The following INSYN2A variants were observed in gnomAD, a reference collection of about 807,000 sequenced individuals.
The protein encoded by INSYN2A is inhibitory synaptic factor 2A, also known as family with sequence similarity 196 member A.
In INSYN2A, 17 loss-of-function variants were observed where a neutral mutation model predicts 39.4. The observed-to-expected ratio is 0.43, with a 90% CI of 0.30 to 0.65. The LOEUF (loss-of-function observed/expected upper bound fraction) is 0.65. INSYN2A is among the 30% of genes least tolerant of loss of function. INSYN2A has a pLI of 0.14. For missense variants in INSYN2A, 595 were observed against 631.2 expected, an observed-to-expected ratio of 0.94 and a Z score of 0.61; for synonymous variants, 255 against 265.7, an observed-to-expected ratio of 0.96 and a Z score of 0.39.
chr10:127,146,255 A>G (rs572252541), intron 5 of INSYN2A: 1 of 226,564 alleles, frequency 4.4e-6, no homozygotes, highest in African/African-American at 2.3e-5. Flanking sequence ...TCTGCTAATA[A>G]ATTTTAACTA....
intron 4 of INSYN2A, 43 bp from the exon 5 acceptor site, chr10:127,153,966 G>C (rs758335582): frequency 4.1e-6 from 6 of 1,456,298 alleles, no homozygotes; most frequent in Middle Eastern, 1.7e-4. Flanking sequence ...GGTGGCTGGG[G>C]GTCACTGGCT....
rs1229950625 is a variant in INSYN2A at position 127,176,272 on chromosome 10, T to C, written c.124A>G (p.Asn42Asp). The change falls in exon 4 of 6, where the codon AAC becomes GAC. Residue 42 changes from asparagine (N) to aspartate (D), a missense_variant. By Grantham distance (23) the Asn-to-Asp change is conservative. Around this residue, in one of 2 missense-constraint regions of INSYN2A, gnomAD observed 478 missense variants for 467.4 expected, o/e 1.02. Transcript: ENST00000522781. The surrounding 1 kb of genome is among the most constrained non-coding windows in gnomAD (Gnocchi z 4.4). Reference sequence around the variant, plus strand: ...TTAAACCGCACCTGCAGGGCTTTGTTCCGTTTTTTAATCTGCCGGTTGGGG... The same window carrying C: ...TTAAACCGCACCTGCAGGGCTTTGTCCCGTTTTTTAATCTGCCGGTTGGGG... Reference protein sequence around the residue: ...LDPNRQIKKRNKALQVRFKDI... With the variant: ...LDPNRQIKKRDKALQVRFKDI... 6.2e-7 allele frequency: 1 copy of C among 1,614,138 alleles called. No individual in the cohort carries two copies.
chr10:127,159,836 G>C (rs1322668146), intron 4 of INSYN2A, among the ~76,000 whole-genome samples: 5 of 152,160 alleles, frequency 3.3e-5, no homozygotes, highest in Non-Finnish European at 5.9e-5. Context: ...CTCAGCCTGA[G>C]AGCCGCACCA....
In INSYN2A at chr10:127,175,563, T is replaced by C. The variant is rs1453764131; in HGVS notation, c.833A>G (p.Gln278Arg). Residue 278 changes from glutamine to arginine, a missense_variant, in exon 4 of 6, where the codon CAG becomes CGG. Transcript: ENST00000522781. The surrounding 1 kb of genome is among the most constrained non-coding windows in gnomAD (Gnocchi z 6.3). ...PGLSDSAAAS[Q>R]WSLCPADDER... ...GTCATCTGCCGGGCAGAGTGACCAC[T>C]GGCTGGCGGCTGCAGAGTCTGACAA... is the stretch of plus-strand genomic sequence containing the variant. 1 of 1,611,754 alleles carries C rather than the reference T, an allele frequency of 6.2e-7. No individual in the cohort carries two copies. The highest frequency in any genetic ancestry group is 1.1e-5 in the South Asian group (1 of 91,068).
chr10:127,174,310 A>G (rs1346637928), intron 4 of INSYN2A, among the ~76,000 whole-genome samples: 2 of 152,162 alleles, frequency 1.3e-5, no homozygotes, highest in Non-Finnish European at 2.9e-5. Context: ...GGCAATGGGC[A>G]AGAGAGGTCT....
chr10:127,195,755 C>A (rs1249382944), intron 1 of INSYN2A, among the ~76,000 whole-genome samples: 2 of 152,150 alleles, frequency 1.3e-5, no homozygotes, highest in Non-Finnish European at 2.9e-5. Flanking sequence ...CGCCCCTCAG[C>A]GACCCGGTCG....
chr10:127,175,571 G>T lies in INSYN2A; in HGVS notation c.825C>A (p.Ala275=), dbSNP rs1027675265. 1 of 1,611,910 alleles carries T rather than the reference G, an allele frequency of 6.2e-7. No homozygotes were observed. Among genetic ancestry groups the T allele is most frequent in the Non-Finnish European group, 8.5e-7 (1 of 1,179,916 alleles). The change falls in exon 4 of 6, where the codon GCC becomes GCA. Residue 275 remains alanine, a synonymous_variant. Coordinates refer to ENST00000522781, the MANE Select transcript of INSYN2A (RefSeq NM_001039762.3). The surrounding 1 kb of genome is among the most constrained non-coding windows in gnomAD (Gnocchi z 6.3). ...APEPGLSDSA[A]ASQWSLCPAD... is the part of the protein sequence containing the mutation. The stretch of plus-strand genomic sequence containing the variant: ...CCGGGCAGAGTGACCACTGGCTGGC[G>T]GCTGCAGAGTCTGACAAACCAGGCT...
At position 127,137,219 on chromosome 10, in the gene INSYN2A, G is replaced by A. The variant is rs11595374; in HGVS notation, c.*618C>T. ...AAGAGGATGCTAAATTTGAGGTGTC[G>A]TTGTGACACTGAGATGTGGTCACTT... On this transcript the variant is annotated 3_prime_UTR_variant, in exon 6 of 6. Coordinates refer to ENST00000522781, the MANE Select transcript of INSYN2A (RefSeq NM_001039762.3). The A allele has an allele frequency of 0.28, 43,135 of 152,408 alleles. 6,373 individuals carry two copies. The highest frequency in any genetic ancestry group is 0.35 in the South Asian group (1,699 of 4,796). 9.4% of individuals were successfully genotyped at this position (152,408 alleles called of 1,614,324 possible). A position where few individuals can be genotyped will look rare whatever the true frequency, so the allele number is the denominator to read the frequency against.
At chr10:127,143,827 G>T (rs750585252) in intron 5 of INSYN2A, among the ~76,000 whole-genome samples, 10 of 152,108 alleles carry the variant, frequency 6.6e-5, no homozygotes, top group African/African-American at 1.4e-4. Context: ...GAAGAACCAG[G>T]ACCCCAAATA....
At chr10:127,170,361 A>G (rs1212151664) in intron 4 of INSYN2A, among the ~76,000 whole-genome samples, 1 of 152,192 alleles carries the variant, frequency 6.6e-6, no homozygotes, top group Non-Finnish European at 1.5e-5. Flanking sequence ...GCCTGCAGGT[A>G]ACACCCAGCA....
At position 127,153,989 on chromosome 10, in the gene INSYN2A, T is replaced by A. The variant is rs185579585; in HGVS notation, c.1185-66A>T. On this transcript the variant is annotated intron_variant, in intron 4 of 5. Transcript: ENST00000522781. ...GGGGTCACTGGCTTTATAGAGCAGA[T>A]GCCTCAAATCAAATGCCTTCCCAAT... 3.5e-5 allele frequency: 41 copies of A among 1,169,574 alleles called. No individual in the cohort carries two copies. In the East Asian group the frequency reaches 8.9e-4, roughly 25 times the overall value. 72.4% of individuals were successfully genotyped at this position (1,169,574 alleles called of 1,614,324 possible). A position where few individuals can be genotyped will look rare whatever the true frequency, so the allele number is the denominator to read the frequency against.
At chr10:127,142,043 G>A (rs1291030512) in intron 5 of INSYN2A, among the ~76,000 whole-genome samples, 1 of 152,220 alleles carries the variant, frequency 6.6e-6, no homozygotes, top group Non-Finnish European at 1.5e-5. Flanking sequence ...TGAGTGACCA[G>A]CTACCACAGT....
intron 4 of INSYN2A, among the ~76,000 whole-genome samples, chr10:127,170,322 G>A (rs2054451203): frequency 6.6e-6 from 1 of 152,226 alleles, no homozygotes; most frequent in Admixed American, 6.5e-5. Context: ...AAGGGCCTGG[G>A]GTCCTCTTGC....
Position 127,185,500 on chromosome 10 carries a change from A to G in INSYN2A, c.-269+7105T>C, listed in dbSNP as rs534721711. Reference sequence around the variant, plus strand: ...GAGATTGCACCACTGCACTCCAGCAAGAGAATCTTAACACTATACATCACA... The same window carrying G: ...GAGATTGCACCACTGCACTCCAGCAGGAGAATCTTAACACTATACATCACA... On this transcript the variant is annotated intron_variant, in intron 2 of 5. Coordinates refer to ENST00000522781, the MANE Select transcript of INSYN2A (RefSeq NM_001039762.3). Among the ~76,000 whole-genome samples the G allele has an allele frequency of 2.6e-5, 4 of 152,312 alleles. No homozygotes were observed. In the South Asian group the frequency reaches 8.3e-4, roughly 32 times the overall value.
At chr10:127,154,590 C>T (rs1459167527) in intron 4 of INSYN2A, among the ~76,000 whole-genome samples, 1 of 152,188 alleles carries the variant, frequency 6.6e-6, no homozygotes, top group Non-Finnish European at 1.5e-5. Flanking sequence ...TGAACATTTA[C>T]TCTCTGGCTC....
Position 127,175,208 on chromosome 10 carries a change from A to G in INSYN2A, c.1184+4T>C. On this transcript the variant is annotated splice_donor_region_variant and intron_variant, in intron 4 of 5. Coordinates refer to ENST00000522781, the MANE Select transcript of INSYN2A (RefSeq NM_001039762.3). The surrounding 1 kb of genome is among the most constrained non-coding windows in gnomAD (Gnocchi z 6.3). The stretch of plus-strand genomic sequence containing the variant: ...CTTCCTAAGACATGGGTGAACATAC[A>G]TACCCTTCCCGATGGGCCTCTCCTT... The G allele has an allele frequency of 6.2e-7, 1 of 1,607,516 alleles. No homozygotes were observed. The highest frequency in any genetic ancestry group is 8.5e-7 in the Non-Finnish European group (1 of 1,176,478).
Position 127,176,465 on chromosome 10 carries a change from A to G in INSYN2A, c.-5-65T>C. On this transcript the variant is annotated intron_variant, in intron 3 of 5. Transcript: ENST00000522781. The surrounding 1 kb of genome is among the most constrained non-coding windows in gnomAD (Gnocchi z 4.4). ...AAATACACACTCAAGCACCGGCCGC[A>G]CAAACTTTTAGCCACCACGACGACT... 1 of 1,373,798 alleles carries G rather than the reference A, an allele frequency of 7.3e-7. No individual in the cohort carries two copies. Among genetic ancestry groups the G allele is most frequent in the South Asian group, 1.4e-5 (1 of 73,010 alleles). 85.1% of individuals were successfully genotyped at this position (1,373,798 alleles called of 1,614,324 possible). A position where few individuals can be genotyped will look rare whatever the true frequency, so the allele number is the denominator to read the frequency against.
chr10:127,186,991 C>G (rs1455322833), intron 2 of INSYN2A, among the ~76,000 whole-genome samples: 1 of 152,154 alleles, frequency 6.6e-6, no homozygotes, highest in African/African-American at 2.4e-5. Flanking sequence ...GCCATGACTC[C>G]CAGCGTTTTG....
intron 4 of INSYN2A, among the ~76,000 whole-genome samples, chr10:127,160,444 G>T (rs1457078504): frequency 1.3e-5 from 2 of 152,158 alleles, no homozygotes; most frequent in Non-Finnish European, 2.9e-5. Flanking sequence ...AGCATGCTGT[G>T]GGCCCCTCCC....
Sources: allele counts gnomAD v4.1 joint callset (sites outside exome capture counted in the v4.1 genomes callset), GRCh38; gene constraint gnomAD v4.1.1; regional missense constraint gnomAD v4.1.1; non-coding constraint Gnocchi (gnomAD v3.1); transcripts MANE v1.5; gene names NCBI Gene and HGNC (gene_info 2026-07-23, HGNC 2026-07-21).